PALLD: variants seen among roughly 807,000 people sequenced by gnomAD.
PALLD encodes palladin.
PALLD carries 61 observed loss-of-function variants against 123.5 expected under a neutral mutation model. The ratio of observed to expected loss-of-function variants is 0.49; its 90% CI spans 0.40 to 0.61. The LOEUF is 0.61. Ranked by LOEUF, PALLD falls within the 20% of genes least tolerant of loss-of-function variation. The pLI is 0.00. For synonymous variants in PALLD, 465 were observed against 496.4 expected (o/e 0.94, Z 0.84); for missense variants, 1,273 against 1,377.0 (o/e 0.92, Z 1.20).
chr4:168,553,349 T>A (rs908123005), intron 2 of PALLD, among the ~76,000 whole-genome samples: 2 of 152,224 alleles, frequency 1.3e-5, no homozygotes, highest in African/African-American at 2.4e-5. Flanking sequence ...ATGGGTGAAG[T>A]TAAAGCAAAC....
chr4:168,798,916 T>G (rs1265529924), intron 10 of PALLD, among the ~76,000 whole-genome samples: 2 of 152,184 alleles, frequency 1.3e-5, no homozygotes, highest in Non-Finnish European at 2.9e-5. Context: ...AAGAAAATCT[T>G]CAGCCAAATT....
intron 10 of PALLD, among the ~76,000 whole-genome samples, chr4:168,782,757 A>T (rs1429004417): frequency 6.6e-6 from 1 of 151,928 alleles, no homozygotes; most frequent in Non-Finnish European, 1.5e-5. Flanking sequence ...AAAAAAAAAA[A>T]TAAAAAAATT....
chr4:168,898,421 G>T (rs1755730714), intron 13 of PALLD, 72 bp from the exon 14 acceptor site: 2 of 935,976 alleles, frequency 2.1e-6, no homozygotes, highest in Admixed American at 1.7e-5. Context: ...GGGCCTTATT[G>T]GGGGGCAGGG....
At chr4:168,830,952 A>G (rs1392538959) in intron 10 of PALLD, among the ~76,000 whole-genome samples, 1 of 152,246 alleles carries the variant, frequency 6.6e-6, no homozygotes. Flanking sequence ...CTGGCACAAC[A>G]GTAAGTTCAG....
chr4:168,924,834 A>G, intron 19 of PALLD, 111 bp from the exon 20 acceptor site: 1 of 1,065,738 alleles, frequency 9.4e-7, no homozygotes, highest in Non-Finnish European at 1.4e-6. Context: ...TGACCCTATT[A>G]TCAGCTACTT....
chr4:168,617,997 T>C (rs1348283370), intron 2 of PALLD, among the ~76,000 whole-genome samples: 1 of 152,218 alleles, frequency 6.6e-6, no homozygotes, highest in Non-Finnish European at 1.5e-5. Flanking sequence ...AAGTCCCTGC[T>C]CTTGCTTTGC....
At chr4:168,851,738 T>C (rs1194199627) in intron 10 of PALLD, among the ~76,000 whole-genome samples, 1 of 152,178 alleles carries the variant, frequency 6.6e-6, no homozygotes, top group Non-Finnish European at 1.5e-5. Context: ...CCGTTAATAT[T>C]AGACATTAAA....
At chr4:168,866,400 A>T (rs1750295302) in intron 10 of PALLD, among the ~76,000 whole-genome samples, 1 of 152,236 alleles carries the variant, frequency 6.6e-6, no homozygotes, top group Non-Finnish European at 1.5e-5. Context: ...GGACAGAACC[A>T]TAAGTATGTA....
At chr4:168,769,020 G>T (rs528590875) in intron 10 of PALLD, among the ~76,000 whole-genome samples, 7 of 152,236 alleles carry the variant, frequency 4.6e-5, no homozygotes, top group Non-Finnish European at 1.0e-4. Flanking sequence ...GTAGAGACGG[G>T]ATTTCACCAT....
At chr4:168,623,100 T>C (rs888160325) in intron 2 of PALLD, among the ~76,000 whole-genome samples, 2 of 152,216 alleles carry the variant, frequency 1.3e-5, no homozygotes, top group Admixed American at 1.3e-4. Context: ...GAAAGCTAAA[T>C]TGTCTATCTA....
At chr4:168,733,481 C>A (rs7694365) in intron 10 of PALLD, among the ~76,000 whole-genome samples, 2,520 of 152,076 alleles carry the variant, frequency 0.017, 84 homozygotes, top group African/African-American at 0.058. Context: ...AAAAATATGA[C>A]CAATGTGATG....
chr4:168,853,440 C>CT (rs1748093790), intron 10 of PALLD, among the ~76,000 whole-genome samples: 1 of 152,022 alleles, frequency 6.6e-6, no homozygotes, highest in African/African-American at 2.4e-5. Flanking sequence ...TATTAGAGAC[C>CT]AGATAAAAGA....
chr4:168,783,653 G>A (rs1736275704), intron 10 of PALLD, among the ~76,000 whole-genome samples: 1 of 152,216 alleles, frequency 6.6e-6, no homozygotes, highest in Non-Finnish European at 1.5e-5. Context: ...GGGCTGTCAT[G>A]AAAATTTAGA....
chr4:168,623,879 G>A (rs997812931), intron 2 of PALLD, among the ~76,000 whole-genome samples: 1 of 152,116 alleles, frequency 6.6e-6, no homozygotes, highest in African/African-American at 2.4e-5. Flanking sequence ...GAGGAAAGAA[G>A]AAATAGACAG....
chr4:168,529,860 T>C (rs1764439864), intron 2 of PALLD, among the ~76,000 whole-genome samples: 1 of 152,222 alleles, frequency 6.6e-6, no homozygotes, highest in Admixed American at 6.5e-5. Flanking sequence ...AAGCAAAGCA[T>C]ATACCTTCTT....
At chr4:168,653,224 C>T (rs189555301) in intron 2 of PALLD, among the ~76,000 whole-genome samples, 2 of 152,228 alleles carry the variant, frequency 1.3e-5, no homozygotes, top group East Asian at 3.9e-4. Flanking sequence ...ATAGACCTAA[C>T]ATAGTACCCA....
rs753001032 is a variant in PALLD, at chr4:168,690,730, G to T, written c.1463G>T (p.Arg488Leu). Reference sequence around the variant, plus strand: ...GAAATCCAAGACTCTCCAGATTTCCGAATTCTACAGAAAAGTAAGGAGAAG... The same window carrying T: ...GAAATCCAAGACTCTCCAGATTTCCTAATTCTACAGAAAAGTAAGGAGAAG... ...GSEIQDSPDF[R>L]ILQKKPRSTA... is the part of the protein sequence containing the mutation. Residue 488 changes from arginine (R) to leucine (L), a missense_variant, in exon 7 of 22, where the codon CGA becomes CTA. Arg to Leu is a moderately radical substitution (Grantham distance 102). Transcript: ENST00000505667. 4 of 1,614,068 alleles carry T rather than the reference G, an allele frequency of 2.5e-6. No individual in the cohort carries two copies. Among genetic ancestry groups the T allele is most frequent in the Non-Finnish European group, 3.4e-6 (4 of 1,179,994 alleles).
chr4:168,919,148 A>C (rs1319697598), intron 17 of PALLD, among the ~76,000 whole-genome samples: 1 of 152,254 alleles, frequency 6.6e-6, no homozygotes, highest in East Asian at 1.9e-4. Flanking sequence ...TGTCCTTAAA[A>C]CGCCTGCCAT....
At chr4:168,715,774 C>A (rs923106967) in intron 10 of PALLD, among the ~76,000 whole-genome samples, 2 of 152,140 alleles carry the variant, frequency 1.3e-5, no homozygotes, top group Non-Finnish European at 2.9e-5. Flanking sequence ...CACAGTGAAA[C>A]CCCATCTCTT....
Sources: allele counts gnomAD v4.1 joint callset (sites outside exome capture counted in the v4.1 genomes callset), GRCh38; gene constraint gnomAD v4.1.1; transcripts MANE v1.5; gene names NCBI Gene and HGNC (gene_info 2026-07-23, HGNC 2026-07-21).